Variants in MICU1 observed in about 807,000 individuals in gnomAD.
MICU1 encodes calcium uptake protein 1, mitochondrial.
MICU1 carries 45 observed loss-of-function variants against 56.8 expected under a neutral mutation model. That is an observed-to-expected ratio of 0.79 (90% CI 0.62 to 1.02). The LOEUF (loss-of-function observed/expected upper bound fraction) is 1.02, where lower values mean the gene tolerates loss of function less well. Among genes scored for constraint, MICU1 ranks in the 50% least tolerant of loss-of-function variants. The probability of loss-of-function intolerance (pLI) is 0.00; values close to 1 mark genes in which losing one functional copy is unlikely to be tolerated. For missense variants in MICU1, 504 were observed against 587.1 expected, an observed-to-expected ratio of 0.86 and a Z score of 1.46; for synonymous variants, 186 against 195.1, an observed-to-expected ratio of 0.95 and a Z score of 0.39.
intron 7 of MICU1, 84 bp downstream of exon 7, chr10:72,477,090 G>A: frequency 9.6e-7 from 1 of 1,039,606 alleles, no homozygotes; most frequent in Non-Finnish European, 1.4e-6. Flanking sequence ...TGAGTATACT[G>A]ACCAAGGCTA....
intron 5 of MICU1, chr10:72,523,926 AAT>A: frequency 6.7e-7 from 1 of 1,483,042 alleles, no homozygotes; most frequent in Non-Finnish European, 8.9e-7. Context: ...AAAGCAAAAT[AAT>A]AAAGTCTTTC....
At chr10:72,409,078 C>T (rs1863724142) in intron 9 of MICU1, among the ~76,000 whole-genome samples, 2 of 134,500 alleles carry the variant, frequency 1.5e-5, no homozygotes, top group Non-Finnish European at 2.9e-5. Context: ...ATTTGCCTTT[C>T]CCCCGCTTCC....
chr10:72,432,956 T>A (rs549574920), intron 8 of MICU1, among the ~76,000 whole-genome samples: 1 of 152,062 alleles, frequency 6.6e-6, no homozygotes, highest in Non-Finnish European at 1.5e-5. Flanking sequence ...TTCCTTTATG[T>A]TTTTTTTGAG....
rs1033779541 is a variant in MICU1, at chr10:72,373,876, G to A, written c.1270+1907C>T. On this transcript the variant is annotated intron_variant, in intron 11 of 11. Transcript: ENST00000361114. ...ATGTCTACAGCACTGCTGTGCATTA[G>A]AACTCTCTGCGATGTGGGAAATGTT... is the stretch of plus-strand genomic sequence containing the variant. 3.9e-5 allele frequency among the ~76,000 whole-genome samples: 6 copies of A among 152,166 alleles called. No individual in the cohort carries two copies. The East Asian group carries it at 1.2e-3, about 29-fold the overall frequency.
chr10:72,588,280 C>T (rs1236167882), intron 1 of MICU1, among the ~76,000 whole-genome samples: 3 of 151,960 alleles, frequency 2.0e-5, no homozygotes, highest in South Asian at 4.2e-4. Flanking sequence ...CCTGCAGAAC[C>T]GTGAGTCAAT....
chr10:72,392,036 T>C (rs887167494), intron 10 of MICU1: 10 of 152,324 alleles, frequency 6.6e-5, no homozygotes, highest in Non-Finnish European at 1.2e-4. Flanking sequence ...TGTGCAAGGA[T>C]GACACACAAA....
intron 9 of MICU1, among the ~76,000 whole-genome samples, chr10:72,411,196 G>A (rs1277727355): frequency 6.6e-6 from 1 of 152,188 alleles, no homozygotes; most frequent in Non-Finnish European, 1.5e-5. Context: ...GGAGCTGGGA[G>A]GAGGAGAATG....
chr10:72,410,130 TG>T (rs1423595256), intron 9 of MICU1, among the ~76,000 whole-genome samples: 1 of 152,254 alleles, frequency 6.6e-6, no homozygotes, highest in Non-Finnish European at 1.5e-5. Flanking sequence ...GTAGGCATTC[TG>T]TTATATATGG....
intron 5 of MICU1, among the ~76,000 whole-genome samples, chr10:72,532,635 CAG>C (rs1839519948): frequency 6.6e-6 from 1 of 152,134 alleles, no homozygotes; most frequent in Non-Finnish European, 1.5e-5. Context: ...TGTCCCAAAG[CAG>C]AGTTAGGACC....
At chr10:72,507,807 G>C (rs1268478995) in intron 6 of MICU1, among the ~76,000 whole-genome samples, 1 of 151,840 alleles carries the variant, frequency 6.6e-6, no homozygotes, top group Non-Finnish European at 1.5e-5. Flanking sequence ...TTGTAGAGAT[G>C]GGGTTTCACC....
chr10:72,380,739 T>C (rs1564837028), intron 10 of MICU1, among the ~76,000 whole-genome samples: 1 of 152,202 alleles, frequency 6.6e-6, no homozygotes, highest in Non-Finnish European at 1.5e-5. Flanking sequence ...TGGTGCCCTT[T>C]CCCTATACAC....
At chr10:72,524,583 A>T (rs1867913407) in intron 5 of MICU1, among the ~76,000 whole-genome samples, 1 of 152,190 alleles carries the variant, frequency 6.6e-6, no homozygotes, top group South Asian at 2.1e-4. Flanking sequence ...TATTAAAGAT[A>T]AAGTATGTTA....
chr10:72,453,761 C>T (rs1865368248), intron 8 of MICU1, among the ~76,000 whole-genome samples: 2 of 151,878 alleles, frequency 1.3e-5, no homozygotes, highest in Admixed American at 6.6e-5. Flanking sequence ...CAACTCTCAA[C>T]CTCAGGTGAT....
At chr10:72,484,469 A>G (rs1254797269) in intron 6 of MICU1, among the ~76,000 whole-genome samples, 1 of 152,250 alleles carries the variant, frequency 6.6e-6, no homozygotes, top group Non-Finnish European at 1.5e-5. Context: ...AGGAAGAAGA[A>G]AGTATTACGT....
At chr10:72,451,348 C>A (rs1227764378) in intron 8 of MICU1, among the ~76,000 whole-genome samples, 1 of 151,974 alleles carries the variant, frequency 6.6e-6, no homozygotes, top group Non-Finnish European at 1.5e-5. Flanking sequence ...TTTTTAATAT[C>A]ATCTCTTCTT....
chr10:72,592,112 C>T (rs577697761), intron 1 of MICU1, among the ~76,000 whole-genome samples: 249 of 148,916 alleles, frequency 1.7e-3, no homozygotes, highest in South Asian at 5.1e-3. Flanking sequence ...CAGGTTCAAG[C>T]GATTCTCCTG....
intron 1 of MICU1, among the ~76,000 whole-genome samples, chr10:72,613,661 T>C (rs1478693924): frequency 6.6e-6 from 1 of 152,178 alleles, no homozygotes; most frequent in Non-Finnish European, 1.5e-5. Flanking sequence ...TTCAAATTAA[T>C]AATTACCTAA....
chr10:72,592,783 CTTTTTTT>C (rs1264231748), intron 1 of MICU1, among the ~76,000 whole-genome samples: 3 of 137,654 alleles, frequency 2.2e-5, no homozygotes, highest in Non-Finnish European at 4.8e-5. Flanking sequence ...ACTTTTCTTT[CTTTTTTT>C]TTTTTTTTTG....
intron 1 of MICU1, among the ~76,000 whole-genome samples, chr10:72,616,062 G>T (rs1841971638): frequency 6.6e-6 from 1 of 152,128 alleles, no homozygotes; most frequent in Admixed American, 6.5e-5. Context: ...TATAGAATAT[G>T]CTTATGAAAA....
Sources: allele counts gnomAD v4.1 joint callset (sites outside exome capture counted in the v4.1 genomes callset), GRCh38; gene constraint gnomAD v4.1.1; transcripts MANE v1.5; gene names NCBI Gene and HGNC (gene_info 2026-07-23, HGNC 2026-07-21).